PIK3AP1: variants seen among roughly 807,000 people sequenced by gnomAD.
PIK3AP1 encodes phosphoinositide-3-kinase adaptor protein 1.
PIK3AP1 carries 21 observed loss-of-function variants against 88.1 expected under a neutral mutation model. That is an observed-to-expected ratio of 0.24 (90% CI 0.17 to 0.34). The LOEUF (loss-of-function observed/expected upper bound fraction) is 0.34, where lower values mean the gene tolerates loss of function less well. PIK3AP1 is among the 10% of genes least tolerant of loss of function. The pLI is 1.00. For missense variants in PIK3AP1, 828 were observed against 1,035.7 expected, an observed-to-expected ratio of 0.80 and a Z score of 2.75; for synonymous variants, 398 against 400.0, an observed-to-expected ratio of 1.00 and a Z score of 0.06.
intron 13 of PIK3AP1, among the ~76,000 whole-genome samples, chr10:96,615,864 G>A (rs1481191861): frequency 4.6e-5 from 7 of 152,132 alleles, no homozygotes; most frequent in South Asian, 2.1e-4. Context: ...GAGAGAGACC[G>A]TGGAAGCTGT....
chr10:96,671,885 A>T (rs1202591481), intron 2 of PIK3AP1, among the ~76,000 whole-genome samples: 1 of 152,056 alleles, frequency 6.6e-6, no homozygotes, highest in Admixed American at 6.6e-5. Context: ...TACAAAAAAT[A>T]CAAAATTTAG....
At chr10:96,646,233 C>T (rs181835478) in intron 7 of PIK3AP1, among the ~76,000 whole-genome samples, 80 of 151,884 alleles carry the variant, frequency 5.3e-4, no homozygotes, top group Non-Finnish European at 8.4e-4. Context: ...GCACTACAGC[C>T]TGGGCAACAG....
intron 8 of PIK3AP1, among the ~76,000 whole-genome samples, chr10:96,636,826 G>C (rs1843318591): frequency 9.9e-6 from 1 of 100,958 alleles, no homozygotes; most frequent in Non-Finnish European, 2.1e-5. Flanking sequence ...CCCACTCCTG[G>C]AATGCAAGAA....
intron 3 of PIK3AP1, among the ~76,000 whole-genome samples, chr10:96,655,408 G>A (rs959630239): frequency 9.9e-5 from 15 of 152,190 alleles, no homozygotes; most frequent in African/African-American, 3.6e-4. Flanking sequence ...TTGGGAGGCT[G>A]AGGCACAAGA....
chr10:96,625,780 GCT>G (rs1843147319), intron 10 of PIK3AP1, among the ~76,000 whole-genome samples: 2 of 152,192 alleles, frequency 1.3e-5, no homozygotes, highest in South Asian at 4.1e-4. Context: ...ACAGAGTCTT[GCT>G]CTGTCGCCCA....
At chr10:96,680,198 C>A (rs1038281291) in intron 2 of PIK3AP1, among the ~76,000 whole-genome samples, 8 of 152,122 alleles carry the variant, frequency 5.3e-5, no homozygotes, top group Admixed American at 2.0e-4. Context: ...GAATGGAACA[C>A]CATTCTTGGT....
intron 8 of PIK3AP1, among the ~76,000 whole-genome samples, chr10:96,635,840 G>T (rs1408829400): frequency 6.6e-6 from 1 of 152,122 alleles, no homozygotes; most frequent in Non-Finnish European, 1.5e-5. Flanking sequence ...AGGAGACAGA[G>T]GTTGCAGTGA....
chr10:96,593,602 G>A lies in PIK3AP1; in HGVS notation c.*1975C>T, dbSNP rs1848708232. On this transcript the variant is annotated 3_prime_UTR_variant, in exon 17 of 17. Coordinates refer to ENST00000339364, the MANE Select transcript of PIK3AP1 (RefSeq NM_152309.3). ...GACAAAGACTGTCTATAAGTAACAG[G>A]GCAAGCATACCAACATCAAAATTAT... 3 of 151,980 alleles carry A rather than the reference G, an allele frequency of 2.0e-5. No individual in the cohort carries two copies. Among genetic ancestry groups the A allele is most frequent in the Non-Finnish European group, 2.9e-5 (2 of 68,002 alleles). The allele number at this position is 151,980 out of a possible 1,614,324, so 9.4% of individuals were successfully genotyped here.
intron 8 of PIK3AP1, among the ~76,000 whole-genome samples, chr10:96,639,506 T>C (rs1843356881): frequency 6.6e-6 from 1 of 152,158 alleles, no homozygotes; most frequent in Non-Finnish European, 1.5e-5. Flanking sequence ...CTGCTGTCGA[T>C]GGGGATTTTA....
At chr10:96,644,552 C>CT (rs1222510661) in intron 8 of PIK3AP1, among the ~76,000 whole-genome samples, 1 of 152,126 alleles carries the variant, frequency 6.6e-6, no homozygotes, top group African/African-American at 2.4e-5. Flanking sequence ...TGGAGGGGAA[C>CT]TTCTACTGCT....
chr10:96,654,530 GC>G (rs1466085885), intron 3 of PIK3AP1, among the ~76,000 whole-genome samples: 2 of 152,110 alleles, frequency 1.3e-5, no homozygotes, highest in Admixed American at 1.3e-4. Context: ...CCTGCTGCAG[GC>G]CCAGCCTTGT....
intron 2 of PIK3AP1, among the ~76,000 whole-genome samples, chr10:96,693,441 GTGGA>G (rs3979613): frequency 3.3e-5 from 5 of 150,650 alleles, no homozygotes; most frequent in Admixed American, 2.0e-4. Context: ...AGATAGATGA[GTGGA>G]TGGATGGATG....
Position 96,656,832 on chromosome 10 carries a change from A to C in PIK3AP1, c.533T>G (p.Leu178Arg). 1 of 1,614,030 alleles carries C rather than the reference A, an allele frequency of 6.2e-7. No individual in the cohort carries two copies. Among genetic ancestry groups the C allele is most frequent in the Non-Finnish European group, 8.5e-7 (1 of 1,180,010 alleles). ...AATGCGGTCCGGCTGCACCACCATC[A>C]GGTTCCCAGGTGAAGTCACCGTCGG... ...NLPTVTSPGNLMVVQPDRIRC... is the reference protein window; with the variant it reads ...NLPTVTSPGNRMVVQPDRIRC... The change falls in exon 3 of 17, where the codon CTG becomes CGG. Residue 178 changes from leucine to arginine, a missense_variant. Around this residue, in one of 3 missense-constraint regions of PIK3AP1, gnomAD observed 610 missense variants for 760.1 expected, o/e 0.80. Transcript: ENST00000339364.
intron 1 of PIK3AP1, among the ~76,000 whole-genome samples, chr10:96,719,982 T>A (rs1373584124): frequency 2.6e-5 from 4 of 152,136 alleles, no homozygotes. Context: ...CCCCTGTGGG[T>A]CCACGGAGCC....
intron 1 of PIK3AP1, among the ~76,000 whole-genome samples, chr10:96,717,276 A>AC (rs1844514237): frequency 6.8e-6 from 1 of 147,994 alleles, no homozygotes; most frequent in Non-Finnish European, 1.5e-5. Flanking sequence ...AAAAAAAAAA[A>AC]CTCACTGGAG....
chr10:96,630,135 ATGT>A (rs1168108636), intron 8 of PIK3AP1, among the ~76,000 whole-genome samples: 1 of 152,138 alleles, frequency 6.6e-6, no homozygotes, highest in East Asian at 1.9e-4. Flanking sequence ...GTATTCTGAC[ATGT>A]TTTTGTTACC....
At chr10:96,660,894 G>C (rs538318118) in intron 2 of PIK3AP1, among the ~76,000 whole-genome samples, 1 of 152,070 alleles carries the variant, frequency 6.6e-6, no homozygotes, top group Admixed American at 6.5e-5. Context: ...AGTGAAAGAA[G>C]TCACTCTGAG....
Position 96,632,896 on chromosome 10 carries a change from C to CATGTGA in PIK3AP1, c.1376-4404_1376-4403insTCACAT, listed in dbSNP as rs564449087. On this transcript the variant is annotated intron_variant, in intron 8 of 16. Transcript: ENST00000339364. ...CGAACATTCAGACTCACAAGATGAC[C>CATGTGA]CTGGGACATGCTTGGCACCAGTCCA... is the stretch of plus-strand genomic sequence containing the variant. The CATGTGA allele has an allele frequency of 9.9e-5, 160 of 1,612,382 alleles. 1 individual carries two copies. The Middle Eastern group carries it at 2.3e-3, about 23-fold the overall frequency.
chr10:96,670,155 C>CAAAAAAAA (rs35152022), intron 2 of PIK3AP1, among the ~76,000 whole-genome samples: 1 of 91,470 alleles, frequency 1.1e-5, no homozygotes. Flanking sequence ...AAGACTCCAT[C>CAAAAAAAA]AAAAAAAAAA....
Sources: gnomAD v4.1 joint callset for allele counts (sites outside exome capture counted in the v4.1 genomes callset) on GRCh38, gnomAD v4.1.1 for gene constraint, gnomAD v4.1.1 regional missense constraint, MANE v1.5 for transcripts, NCBI Gene and HGNC (gene_info 2026-07-23, HGNC 2026-07-21) for gene names.